Variants in SLC28A3 observed in about 807,000 individuals in gnomAD.
SLC28A3 encodes the protein concentrative Na(+)-nucleoside cotransporter 3.
A neutral mutation model predicts 84.2 loss-of-function variants in SLC28A3; 68 were observed. The ratio of observed to expected loss-of-function variants is 0.81; its 90% CI spans 0.66 to 0.99. The LOEUF (loss-of-function observed/expected upper bound fraction) is 0.99. Ranked by LOEUF, SLC28A3 falls within the 50% of genes least tolerant of loss-of-function variation. SLC28A3 has a pLI of 0.00. For synonymous variants in SLC28A3, 267 were observed against 303.6 expected (o/e 0.88, Z 1.25); for missense variants, 712 against 841.5 (o/e 0.85, Z 1.90).
intron 13 of SLC28A3, 75 bp downstream of exon 13, chr9:84,285,868 T>A: frequency 6.7e-7 from 1 of 1,495,992 alleles, no homozygotes; most frequent in Non-Finnish European, 9.0e-7. Flanking sequence ...GGGTGGGCTG[T>A]TTACAAACCT....
chr9:84,363,310 G>T, the SLC28A3 span, among the ~76,000 whole-genome samples: 1 of 152,162 alleles, frequency 6.6e-6, no homozygotes, highest in Non-Finnish European at 1.5e-5. Flanking sequence ...GGAACCAAGA[G>T]GGGAGAAATC....
chr9:84,333,299 AT>A (rs566188981), intron 1 of SLC28A3, among the ~76,000 whole-genome samples: 1 of 152,296 alleles, frequency 6.6e-6, no homozygotes, highest in South Asian at 2.1e-4. Context: ...CTCACCAGGA[AT>A]TTCCTTGTGG....
At position 84,285,949 on chromosome 9, in the gene SLC28A3, A is replaced by G; in HGVS notation, c.1443T>C (p.Ser481=). The change falls in exon 13 of 18, where the codon AGT becomes AGC. Residue 481 remains serine (S), a synonymous_variant. Coordinates refer to ENST00000376238, the MANE Select transcript of SLC28A3 (RefSeq NM_001199633.2). The part of the protein sequence containing the change: ...FGNMFDYPQL[S]FELICSYIFM... ...GGGCGTGATGTGATTATACCTCAAA[A>G]CTCAGCTGTGGGTAGTCAAACATGT... 1 of 1,613,442 alleles carries G rather than the reference A, an allele frequency of 6.2e-7. No individual in the cohort carries two copies. Among genetic ancestry groups the G allele is most frequent in the Non-Finnish European group, 8.5e-7 (1 of 1,179,662 alleles).
intron 8 of SLC28A3, among the ~76,000 whole-genome samples, chr9:84,296,020 T>C (rs1285374894): frequency 6.6e-6 from 1 of 152,180 alleles, no homozygotes; most frequent in Non-Finnish European, 1.5e-5. Flanking sequence ...TAGCAGAGGA[T>C]TCTGCATTGG....
intron 8 of SLC28A3, among the ~76,000 whole-genome samples, chr9:84,295,103 C>T (rs1339743940): frequency 2.6e-5 from 4 of 152,138 alleles, no homozygotes; most frequent in Non-Finnish European, 4.4e-5. Flanking sequence ...TTGCTGGCTC[C>T]AGGTCTTTTC....
chr9:84,309,455 G>A (rs1265218206), intron 3 of SLC28A3, among the ~76,000 whole-genome samples, 174 bp downstream of exon 3: 7 of 147,790 alleles, frequency 4.7e-5, no homozygotes, highest in African/African-American at 1.5e-4. Context: ...CTTGGGAGGC[G>A]GAGGTTGCAA....
intron 1 of SLC28A3, among the ~76,000 whole-genome samples, chr9:84,334,371 C>A (rs1395027995): frequency 1.3e-5 from 2 of 152,112 alleles, no homozygotes; most frequent in South Asian, 4.1e-4. Context: ...AGTTCAAAAC[C>A]AGGCAAAGGT....
At chr9:84,365,519 T>C in the SLC28A3 span, among the ~76,000 whole-genome samples, 4 of 152,222 alleles carry the variant, frequency 2.6e-5, no homozygotes, top group Non-Finnish European at 5.9e-5. Flanking sequence ...ACCCCATTTG[T>C]TCACTTTTGC....
chr9:84,333,715 C>A (rs986743011), intron 1 of SLC28A3, among the ~76,000 whole-genome samples: 1 of 152,120 alleles, frequency 6.6e-6, no homozygotes, highest in African/African-American at 2.4e-5. Context: ...TTGGTAAAAT[C>A]ACTTAGGAAA....
chr9:84,358,676 C>G, the SLC28A3 span, among the ~76,000 whole-genome samples: 1 of 152,150 alleles, frequency 6.6e-6, no homozygotes, highest in East Asian at 1.9e-4. Context: ...GGGCCTAGCA[C>G]TATGCAGAAA....
chr9:84,305,465 G>GT, intron 3 of SLC28A3, 120 bp from the exon 4 acceptor site: 1 of 784,118 alleles, frequency 1.3e-6, no homozygotes, highest in Non-Finnish European at 2.1e-6. Flanking sequence ...TGTGTGAGGC[G>GT]TATGTCTTAC....
rs1336825831 is a variant in SLC28A3, at chr9:84,292,979, T to C, written c.943-231A>G. Among the ~76,000 whole-genome samples the C allele has an allele frequency of 2.6e-5, 4 of 152,234 alleles. No individual in the cohort carries two copies. In the East Asian group the frequency reaches 7.7e-4, roughly 29 times the overall value. ...GTCATTGCGTATACTTTGAACATTA[T>C]ACAAATCAATTTCTATAGGTCTATT... On this transcript the variant is annotated intron_variant, in intron 9 of 17. Transcript: ENST00000376238.
the SLC28A3 span, among the ~76,000 whole-genome samples, chr9:84,351,666 AAAATTAAATT>A: frequency 1.3e-5 from 2 of 151,440 alleles, no homozygotes; most frequent in East Asian, 1.9e-4. Context: ...TCTCAAAAAA[AAAATTAAATT>A]AAATTAAATT....
intron 1 of SLC28A3, 130 bp from the exon 2 acceptor site, chr9:84,313,584 A>T: frequency 1.5e-6 from 1 of 674,198 alleles, no homozygotes. Context: ...GAAGCATCCG[A>T]TTCAACAAAC....
At chr9:84,292,471 C>G (rs867134305) in intron 10 of SLC28A3, 197 bp downstream of exon 10, 35 of 390,844 alleles carry the variant, frequency 9.0e-5, no homozygotes, top group African/African-American at 5.2e-4. Flanking sequence ...CTGTCTCTCT[C>G]TCTGTCTCTC....
chr9:84,286,603 T>A (rs1322274185), intron 12 of SLC28A3, among the ~76,000 whole-genome samples: 1 of 151,990 alleles, frequency 6.6e-6, no homozygotes, highest in Middle Eastern at 3.2e-3. Flanking sequence ...TAATAAAAAA[T>A]TGGAAAATGA....
rs760332361 is a variant in SLC28A3, at chr9:84,279,364, A to T, written c.1850T>A (p.Val617Glu). The part of the protein sequence containing the change: ...CIAGILSSTP[V>E]DINCHHVLEN... Reference sequence around the variant, plus strand: ...TAAAACGTGATGGCAGTTGATGTCCACAGGAGTGCTGGAGAGTATGCCTAG... The same window carrying T: ...TAAAACGTGATGGCAGTTGATGTCCTCAGGAGTGCTGGAGAGTATGCCTAG... The change falls in exon 17 of 18, where the codon GTG becomes GAG. Residue 617 changes from valine (V) to glutamate (E), a missense_variant. Physicochemically the swap from Val to Glu is moderately radical, Grantham distance 121. Coordinates refer to ENST00000376238, the MANE Select transcript of SLC28A3 (RefSeq NM_001199633.2). 6.2e-7 allele frequency: 1 copy of T among 1,610,420 alleles called. No homozygotes were observed. The highest frequency in any genetic ancestry group is 8.5e-7 in the Non-Finnish European group (1 of 1,178,044).
the SLC28A3 span, among the ~76,000 whole-genome samples, chr9:84,350,291 A>C: frequency 1.3e-5 from 2 of 151,998 alleles, no homozygotes; most frequent in East Asian, 3.9e-4. Context: ...AAAATACAAA[A>C]ATTAGCCGGG....
chr9:84,339,248 TTTA>T (rs1396743700), intron 1 of SLC28A3, among the ~76,000 whole-genome samples: 4 of 152,214 alleles, frequency 2.6e-5, no homozygotes, highest in African/African-American at 7.2e-5. Flanking sequence ...GAGATTTTAT[TTTA>T]TTATTATTAT....
Sources: gnomAD v4.1 joint callset for allele counts (sites outside exome capture counted in the v4.1 genomes callset) on GRCh38, gnomAD v4.1.1 for gene constraint, MANE v1.5 for transcripts, NCBI Gene and HGNC (gene_info 2026-07-23, HGNC 2026-07-21) for gene names.